PCDHGB6: variants seen among roughly 807,000 people sequenced by gnomAD.
PCDHGB6 encodes protocadherin gamma-B6.
In PCDHGB6, 51 loss-of-function variants were observed where a neutral mutation model predicts 59.1. The ratio of observed to expected loss-of-function variants is 0.86; its 90% CI spans 0.69 to 1.09. PCDHGB6 has a LOEUF of 1.09. PCDHGB6 is among the 50% of genes least tolerant of loss of function. PCDHGB6 has a pLI of 0.00. For missense variants in PCDHGB6, 1,148 were observed against 1,205.1 expected (o/e 0.95, Z 0.70); for synonymous variants, 466 against 495.1 (o/e 0.94, Z 0.78).
At position 141,432,834 on chromosome 5, in the gene PCDHGB6, A is replaced by G; in HGVS notation, c.2418+22214A>G. 6.2e-7 allele frequency: 1 copy of G among 1,614,082 alleles called. No homozygotes were observed. The highest frequency in any genetic ancestry group is 8.5e-7 in the Non-Finnish European group (1 of 1,179,978). ...TCTGAAACCTCAGACCTCACTCTGTACCTGGTGGTAGCGGTGGCCGCGGTC... is the reference window on the plus strand; with the variant it reads ...TCTGAAACCTCAGACCTCACTCTGTGCCTGGTGGTAGCGGTGGCCGCGGTC... On this transcript the variant is annotated intron_variant, in intron 1 of 3. Transcript: ENST00000520790. This position sits in a 1 kb window ranked among gnomAD's most constrained non-coding sequence, Gnocchi z 6.0.
At chr5:141,434,240 T>A (rs979144259) in intron 1 of PCDHGB6, among the ~76,000 whole-genome samples, 1 of 152,336 alleles carries the variant, frequency 6.6e-6, no homozygotes, top group East Asian at 1.9e-4. Flanking sequence ...CTGGACTAGA[T>A]GACTTGGGCA....
In PCDHGB6 at chr5:141,414,949, G is replaced by A. The variant is rs774769957; in HGVS notation, c.2418+4329G>A. On this transcript the variant is annotated intron_variant, in intron 1 of 3. Transcript: ENST00000520790. ...CCGCTCCGCAGAGCCCGGCTACCTGGTGACCAAGGTGGTGGCGGTGGACAG... is the reference window on the plus strand; with the variant it reads ...CCGCTCCGCAGAGCCCGGCTACCTGATGACCAAGGTGGTGGCGGTGGACAG... The A allele has an allele frequency of 8.1e-6, 13 of 1,614,096 alleles. 1 individual carries two copies. The South Asian group carries it at 1.4e-4, about 18-fold the overall frequency.
intron 1 of PCDHGB6, chr5:141,421,172 G>A: frequency 7.3e-7 from 1 of 1,366,164 alleles, no homozygotes; most frequent in Non-Finnish European, 9.8e-7. Context: ...AGATACATAA[G>A]CCGATTCACA....
At chr5:141,510,626 AGGTG>A (rs2099882005) in intron 3 of PCDHGB6, among the ~76,000 whole-genome samples, 1 of 152,144 alleles carries the variant, frequency 6.6e-6, no homozygotes, top group Admixed American at 6.5e-5. Context: ...AAACCAGAAG[AGGTG>A]GTTACCATTA....
At chr5:141,472,369 G>A (rs1194465676) in intron 1 of PCDHGB6, among the ~76,000 whole-genome samples, 2 of 151,770 alleles carry the variant, frequency 1.3e-5, no homozygotes, top group Admixed American at 6.6e-5. Flanking sequence ...GTGAAACCCC[G>A]TCTCCACTAA....
intron 2 of PCDHGB6, among the ~76,000 whole-genome samples, chr5:141,502,827 A>G (rs1003204508): frequency 2.7e-5 from 4 of 150,478 alleles, no homozygotes; most frequent in African/African-American, 9.8e-5. Flanking sequence ...TCCTTGGGGA[A>G]GCCTGGACTG....
chr5:141,470,836 C>T lies in PCDHGB6; in HGVS notation c.2419-23971C>T, dbSNP rs577375498. On this transcript the variant is annotated intron_variant, in intron 1 of 3. Transcript: ENST00000520790. ...CTGAGTAGTTAGGACGACAAACACA[C>T]GCCACCATGCTCAGATAAGTTTTTT... 2.6e-5 allele frequency among the ~76,000 whole-genome samples: 4 copies of T among 152,176 alleles called. No homozygotes were observed. The East Asian group carries it at 5.8e-4, about 22-fold the overall frequency.
intron 1 of PCDHGB6, among the ~76,000 whole-genome samples, chr5:141,458,351 T>A (rs903399511): frequency 2.0e-5 from 3 of 152,010 alleles, no homozygotes; most frequent in African/African-American, 7.3e-5. Flanking sequence ...GAGAGTTTAA[T>A]AAGCAAGAAG....
chr5:141,428,061 G>A (rs755817800), intron 1 of PCDHGB6: 1 of 1,609,154 alleles, frequency 6.2e-7, no homozygotes, highest in South Asian at 1.1e-5. Flanking sequence ...GGTGGCGGTG[G>A]ACGCAGATTC....
chr5:141,459,581 G>A (rs945690319), intron 1 of PCDHGB6, among the ~76,000 whole-genome samples: 1 of 152,138 alleles, frequency 6.6e-6, no homozygotes, highest in Non-Finnish European at 1.5e-5. Flanking sequence ...AATTGTTTTG[G>A]GGGTCATATG....
At chr5:141,483,757 C>T (rs895694800) in intron 1 of PCDHGB6, among the ~76,000 whole-genome samples, 1 of 151,984 alleles carries the variant, frequency 6.6e-6, no homozygotes, top group Non-Finnish European at 1.5e-5. Flanking sequence ...AGGATCGAGG[C>T]TTGGAAAAAT....
rs1289513674 is a variant in PCDHGB6 at position 141,432,063 on chromosome 5, A to T, written c.2418+21443A>T. On this transcript the variant is annotated intron_variant, in intron 1 of 3. Coordinates refer to ENST00000520790, the MANE Select transcript of PCDHGB6 (RefSeq NM_018926.3). The surrounding 1 kb of genome is among the most constrained non-coding windows in gnomAD (Gnocchi z 6.0). ...CGGGGAACCCCGCCCCTATCCACGG[A>T]AACTCATATCTCGCTGAACGTGGCA... The T allele has an allele frequency of 8.7e-6, 14 of 1,614,134 alleles. No individual in the cohort carries two copies. The highest frequency in any genetic ancestry group is 1.2e-5 in the Non-Finnish European group (14 of 1,180,028).
intron 1 of PCDHGB6, chr5:141,414,866 C>T: frequency 6.2e-7 from 1 of 1,614,230 alleles, no homozygotes; most frequent in Non-Finnish European, 8.5e-7. Flanking sequence ...GACAATGCGC[C>T]CGAGATCCTG....
intron 1 of PCDHGB6, among the ~76,000 whole-genome samples, chr5:141,482,530 C>CAAAAAAAAAAAAA (rs3074545): frequency 3.9e-5 from 3 of 76,560 alleles, no homozygotes; most frequent in African/African-American, 9.6e-5. Context: ...GACAGACATG[C>CAAAAAAAAAAAAA]AAAAAAAAAA....
intron 1 of PCDHGB6, among the ~76,000 whole-genome samples, chr5:141,483,652 G>A (rs746306843): frequency 2.0e-5 from 3 of 151,916 alleles, no homozygotes; most frequent in Non-Finnish European, 4.4e-5. Context: ...GTGTGTTTGT[G>A]TGTGTGTGTG....
intron 1 of PCDHGB6, chr5:141,413,820 C>G (rs967941133): frequency 5.6e-6 from 9 of 1,613,086 alleles, no homozygotes; most frequent in South Asian, 1.1e-5. Flanking sequence ...ACCACCTGGT[C>G]CTCACCGCCT....
Position 141,485,263 on chromosome 5 carries a change from G to A in PCDHGB6, c.2419-9544G>A. 1 of 1,614,162 alleles carries A rather than the reference G, an allele frequency of 6.2e-7. No individual in the cohort carries two copies. On this transcript the variant is annotated intron_variant, in intron 1 of 3. Transcript: ENST00000520790. This position sits in a 1 kb window ranked among gnomAD's most constrained non-coding sequence, Gnocchi z 5.7. ...ACCACCTGGGTTACGTTTGTGGGCA[G>A]ATCCGCTACCCGGTCCCAGAGGAGT...
In PCDHGB6 at chr5:141,410,593, G is replaced by C. The variant is rs921521742; in HGVS notation, c.2391G>C (p.Leu797Phe). ...TTCCACCTCATGGTGGGGAGGATTT[G>C]ACTTCACATCCTGAGACTCTGACTT... Reference protein sequence around the residue: ...ALIPPHGGEDLTSHPETLTSQ... With the variant: ...ALIPPHGGEDFTSHPETLTSQ... The change falls in exon 1 of 4, where the codon TTG becomes TTC. Residue 797 changes from leucine to phenylalanine, a missense_variant. This residue lies in a region of PCDHGB6 where 283 missense variants were observed against 318.6 expected (regional missense o/e 0.89). Coordinates refer to ENST00000520790, the MANE Select transcript of PCDHGB6 (RefSeq NM_018926.3). The C allele has an allele frequency of 2.5e-6, 4 of 1,608,934 alleles. No individual in the cohort carries two copies. In the African/African-American group the frequency reaches 5.3e-5, roughly 21 times the overall value.
intron 1 of PCDHGB6, chr5:141,423,431 G>T: frequency 6.2e-7 from 1 of 1,614,010 alleles, no homozygotes; most frequent in South Asian, 1.1e-5. Context: ...GGGTTGGCAG[G>T]TATGCCCACG....
Sources: gnomAD v4.1 joint callset for allele counts (sites outside exome capture counted in the v4.1 genomes callset) on GRCh38, gnomAD v4.1.1 for gene constraint, gnomAD v4.1.1 regional missense constraint, Gnocchi (gnomAD v3.1) non-coding constraint, MANE v1.5 for transcripts, NCBI Gene and HGNC (gene_info 2026-07-23, HGNC 2026-07-21) for gene names.